Variants in EPS15 observed in about 807,000 individuals in gnomAD.
EPS15 encodes epidermal growth factor receptor pathway substrate 15.
Under a neutral mutation model 113.8 loss-of-function variants are expected in EPS15, and 72 were observed. The observed-to-expected ratio is 0.63, with a 90% CI of 0.52 to 0.77. The LOEUF is 0.77. Among genes scored for constraint, EPS15 ranks in the 30% least tolerant of loss-of-function variants. The pLI is 0.00. For synonymous variants in EPS15, 344 were observed against 363.4 expected (o/e 0.95, Z 0.61); for missense variants, 1,048 against 1,045.8 (o/e 1.00, Z -0.03).
At chr1:51,492,719 CAAAAA>C (rs1055280568) in intron 1 of EPS15, among the ~76,000 whole-genome samples, 1 of 151,470 alleles carries the variant, frequency 6.6e-6, no homozygotes, top group Non-Finnish European at 1.5e-5. Flanking sequence ...AACAAACAAA[CAAAAA>C]AAACAGATCA....
At chr1:51,458,019 C>T (rs1371939664) in intron 8 of EPS15, 1 of 151,984 alleles carries the variant, frequency 6.6e-6, no homozygotes, top group East Asian at 1.9e-4. Context: ...CATTAAAATA[C>T]AGAAATCTGC....
intron 21 of EPS15, among the ~76,000 whole-genome samples, chr1:51,389,299 G>A (rs1237162922): frequency 1.3e-5 from 2 of 152,114 alleles, no homozygotes; most frequent in Admixed American, 1.3e-4. Flanking sequence ...CAATAAATTA[G>A]GTATTGATGG....
At chr1:51,436,099 A>G (rs1463594355) in intron 12 of EPS15, among the ~76,000 whole-genome samples, 1 of 152,226 alleles carries the variant, frequency 6.6e-6, no homozygotes, top group African/African-American at 2.4e-5. Flanking sequence ...CAAAGAGCAA[A>G]CACACTGTAT....
At chr1:51,508,336 GAGAGAAAGAAAGAAAGAA>G (rs1395997281) in intron 1 of EPS15, among the ~76,000 whole-genome samples, 10 of 121,854 alleles carry the variant, frequency 8.2e-5, no homozygotes, top group African/African-American at 3.7e-4. Context: ...GAAAGAGAAA[GAGAGAAAGAAAGAAAGAA>G]AGAAAGAAAG....
intron 1 of EPS15, among the ~76,000 whole-genome samples, chr1:51,489,402 A>G (rs1177792979): frequency 6.6e-6 from 1 of 150,778 alleles, no homozygotes; most frequent in Non-Finnish European, 1.5e-5. Flanking sequence ...GCTCACTGCA[A>G]TCTCCGCCTC....
At chr1:51,428,709 C>T (rs113541742) in intron 12 of EPS15, among the ~76,000 whole-genome samples, 2,135 of 151,834 alleles carry the variant, frequency 0.014, 21 homozygotes, top group Middle Eastern at 0.051. Context: ...CGCCTGTAAT[C>T]CCAGCTACTT....
At chr1:51,451,950 T>G (rs1653605151) in intron 8 of EPS15, among the ~76,000 whole-genome samples, 2 of 152,052 alleles carry the variant, frequency 1.3e-5, no homozygotes, top group Non-Finnish European at 2.9e-5. Context: ...GACGCAATCT[T>G]GGCTCACTAC....
chr1:51,427,575 C>A (rs1651335748), intron 12 of EPS15, among the ~76,000 whole-genome samples: 1 of 152,144 alleles, frequency 6.6e-6, no homozygotes, highest in African/African-American at 2.4e-5. Context: ...ACTTGACTCT[C>A]CCTGAAGGAG....
At chr1:51,387,154 G>T (rs1422720482) in intron 21 of EPS15, among the ~76,000 whole-genome samples, 1 of 152,078 alleles carries the variant, frequency 6.6e-6, no homozygotes, top group South Asian at 2.1e-4. Context: ...AAGAGAGTGG[G>T]GGCCAATGTT....
rs1056164474 is a variant in EPS15, at chr1:51,376,147, T to C, written c.2120-10118A>G. Among the ~76,000 whole-genome samples, 11 of 152,232 alleles carry C rather than the reference T, an allele frequency of 7.2e-5. 1 individual carries two copies. Among genetic ancestry groups the C allele is most frequent in the Admixed American group, 2.0e-4 (3 of 15,284 alleles). ...TGGCTTTGAAGCATCAAAGGACAGGTTGAGTCTCCTATGGGGCTAATGCAG... is the reference window on the plus strand; with the variant it reads ...TGGCTTTGAAGCATCAAAGGACAGGCTGAGTCTCCTATGGGGCTAATGCAG... On this transcript the variant is annotated intron_variant, in intron 21 of 24. Transcript: ENST00000371733.
At chr1:51,390,205 G>A (rs948402267) in intron 21 of EPS15, among the ~76,000 whole-genome samples, 1 of 152,114 alleles carries the variant, frequency 6.6e-6, no homozygotes, top group Non-Finnish European at 1.5e-5. Context: ...AGAAAAACAA[G>A]CAATGAGGAA....
intron 24 of EPS15, among the ~76,000 whole-genome samples, chr1:51,359,892 T>C (rs1022367176): frequency 9.9e-5 from 15 of 152,108 alleles, no homozygotes; most frequent in African/African-American, 3.6e-4. Flanking sequence ...TCAGTCGTCT[T>C]AGTTGCATGC....
At chr1:51,384,283 TC>T (rs1647006995) in intron 21 of EPS15, among the ~76,000 whole-genome samples, 1 of 144,952 alleles carries the variant, frequency 6.9e-6, no homozygotes, top group Non-Finnish European at 1.5e-5. Flanking sequence ...GCAGTCTTTT[TC>T]TTTTTCTTTC....
chr1:51,446,487 C>G (rs995764254), intron 10 of EPS15, among the ~76,000 whole-genome samples: 1 of 125,222 alleles, frequency 8.0e-6, no homozygotes, highest in Non-Finnish European at 1.6e-5. Context: ...GAGTTTCATT[C>G]TTGTTGCCCA....
chr1:51,445,855 C>T (rs757863687), intron 10 of EPS15, among the ~76,000 whole-genome samples: 5 of 152,176 alleles, frequency 3.3e-5, no homozygotes, highest in Non-Finnish European at 5.9e-5. Flanking sequence ...GAGATGATAA[C>T]ACCCATCTTG....
intron 8 of EPS15, chr1:51,458,955 T>G (rs1654227878): frequency 6.5e-6 from 1 of 153,376 alleles, no homozygotes; most frequent in African/African-American, 2.4e-5. Context: ...GAAATGCGAC[T>G]GAGATAACTT....
intron 21 of EPS15, among the ~76,000 whole-genome samples, chr1:51,369,283 A>G (rs969450004): frequency 6.6e-6 from 1 of 152,234 alleles, no homozygotes; most frequent in Non-Finnish European, 1.5e-5. Flanking sequence ...TTTCTCAGAT[A>G]CTGATCATGG....
At chr1:51,476,091 G>A (rs887624718) in intron 2 of EPS15, among the ~76,000 whole-genome samples, 1 of 152,158 alleles carries the variant, frequency 6.6e-6, no homozygotes, top group Non-Finnish European at 1.5e-5. Context: ...CAGCCTTGTA[G>A]CATAGTTTGA....
chr1:51,364,649 C>T (rs1386781090), intron 22 of EPS15, among the ~76,000 whole-genome samples: 1 of 151,836 alleles, frequency 6.6e-6, no homozygotes, highest in Non-Finnish European at 1.5e-5. Flanking sequence ...TGTGTACCAC[C>T]ACGCCTAGTT....
Sources: gnomAD v4.1 joint callset for allele counts (sites outside exome capture counted in the v4.1 genomes callset) on GRCh38, gnomAD v4.1.1 for gene constraint, MANE v1.5 for transcripts, NCBI Gene and HGNC (gene_info 2026-07-23, HGNC 2026-07-21) for gene names.